TSBP1: variants seen among roughly 807,000 people sequenced by gnomAD.
TSBP1 encodes testis-expressed basic protein 1.
TSBP1 carries 56 observed loss-of-function variants against 68.8 expected under a neutral mutation model. The ratio of observed to expected loss-of-function variants is 0.81; its 90% CI spans 0.66 to 1.02. The LOEUF is 1.02. TSBP1 is among the 50% of genes least tolerant of loss of function. TSBP1 has a pLI of 0.00. For missense variants in TSBP1, 502 were observed against 641.2 expected, an observed-to-expected ratio of 0.78 and a Z score of 2.34; for synonymous variants, 171 against 208.7, an observed-to-expected ratio of 0.82 and a Z score of 1.56.
At chr6:32,313,435 T>C (rs1766617330) in intron 19 of TSBP1, among the ~76,000 whole-genome samples, 1 of 152,274 alleles carries the variant, frequency 6.6e-6, no homozygotes, top group Non-Finnish European at 1.5e-5. Context: ...TGCATTAATA[T>C]CTTTGAAGAC....
At chr6:32,359,122 T>A in intron 6 of TSBP1, among the ~76,000 whole-genome samples, 1 of 138,130 alleles carries the variant, frequency 7.2e-6, no homozygotes, top group African/African-American at 2.7e-5. Flanking sequence ...CCTGTGTCCA[T>A]GTGTTCTCAT....
At position 32,306,349 on chromosome 6, in the gene TSBP1, T is replaced by C. The variant is rs1160785751; in HGVS notation, c.581-3720A>G. Among the ~76,000 whole-genome samples, 2 of 152,224 alleles carry C rather than the reference T, an allele frequency of 1.3e-5. No homozygotes were observed. Among genetic ancestry groups the C allele is most frequent in the African/African-American group, 4.8e-5 (2 of 41,452 alleles). On this transcript the variant is annotated intron_variant, in intron 19 of 22. Coordinates refer to ENST00000612031, the Ensembl canonical transcript of TSBP1. This position sits in a 1 kb window ranked among gnomAD's most constrained non-coding sequence, Gnocchi z 5.1. ...GATCTCTGTGTTCCTCAGTCATCTC[T>C]TGATTCTAACTCCTGCGCATAATTT...
intron 22 of TSBP1, among the ~76,000 whole-genome samples, chr6:32,297,572 A>G (rs1308554619): frequency 6.6e-6 from 1 of 152,234 alleles, no homozygotes; most frequent in African/African-American, 2.4e-5. Flanking sequence ...TAAAAGATCT[A>G]TTCAGTATCA....
At position 32,365,190 on chromosome 6, in the gene TSBP1, G is replaced by C. The variant is rs1773547878; in HGVS notation, c.217+977C>G. On this transcript the variant is annotated intron_variant, in intron 6 of 22. Transcript: ENST00000612031. The surrounding 1 kb of genome is among the most constrained non-coding windows in gnomAD (Gnocchi z 4.3). ...TTCAGGCATGAACTACCACACCCAG[G>C]GTAGATGGGATTTCTAAGATTGTGC... 4.8e-5 allele frequency: 19 copies of C among 396,232 alleles called. No individual in the cohort carries two copies. Among genetic ancestry groups the C allele is most frequent in the South Asian group, 3.6e-4 (19 of 52,182 alleles). 24.5% of individuals were successfully genotyped at this position (396,232 alleles called of 1,614,324 possible).
At chr6:32,313,106 C>T (rs1462151008) in intron 19 of TSBP1, among the ~76,000 whole-genome samples, 1 of 152,174 alleles carries the variant, frequency 6.6e-6, no homozygotes, top group African/African-American at 2.4e-5. Context: ...GCTCTGCCTC[C>T]TTCTTTCTAG....
chr6:32,364,150 C>G (rs9268346), intron 6 of TSBP1, among the ~76,000 whole-genome samples: 51,185 of 152,010 alleles, frequency 0.34, 9,676 homozygotes, highest in Middle Eastern at 0.52. Context: ...AAGATTCTCT[C>G]TTTAACTTTG....
chr6:32,322,597 G>A, intron 18 of TSBP1, 91 bp from the exon 20 acceptor site: 1 of 932,660 alleles, frequency 1.1e-6, no homozygotes, highest in Non-Finnish European at 1.8e-6. Flanking sequence ...GTCTGTGAGG[G>A]GAGGACTTGG....
rs2273019 is a variant in TSBP1 at position 32,338,642 on chromosome 6, C to T, written c.409+337G>A. Among the ~76,000 whole-genome samples, 65,108 of 151,914 alleles carry T rather than the reference C, an allele frequency of 0.43. 14,868 individuals carry two copies. The highest frequency in any genetic ancestry group is 0.55 in the African/African-American group (22,700 of 41,450). Reference sequence around the variant, plus strand: ...CTGCATGTCACTGAAATTTTCTTGGCGGGTCTTAAGTAGAATGGCCACCAT... The same window carrying T: ...CTGCATGTCACTGAAATTTTCTTGGTGGGTCTTAAGTAGAATGGCCACCAT... On this transcript the variant is annotated intron_variant, in intron 11 of 22. Coordinates refer to ENST00000612031, the Ensembl canonical transcript of TSBP1. This position sits in a 1 kb window ranked among gnomAD's most constrained non-coding sequence, Gnocchi z 5.5.
chr6:32,312,558 A>G (rs1470276145), intron 19 of TSBP1, among the ~76,000 whole-genome samples: 1 of 152,208 alleles, frequency 6.6e-6, no homozygotes, highest in Non-Finnish European at 1.5e-5. Context: ...TGCTAAGGTC[A>G]GATTATTTAA....
chr6:32,350,121 C>T lies in TSBP1; in HGVS notation c.260-292G>A, dbSNP rs1490641580. 2.0e-5 allele frequency: 11 copies of T among 561,612 alleles called. No individual in the cohort carries two copies. The East Asian group carries it at 4.6e-4, about 23-fold the overall frequency. The allele number at this position is 561,612 out of a possible 1,614,324, so 34.8% of individuals were successfully genotyped here. The stretch of plus-strand genomic sequence containing the variant: ...TGTTCTTTCCTTCTCTACCTTTCCT[C>T]CACCTCTTCCTCTCTCTCCTTAATT... On this transcript the variant is annotated intron_variant, in intron 8 of 22. Transcript: ENST00000612031.
At chr6:32,295,842 C>CT (rs535371646) in intron 22 of TSBP1, among the ~76,000 whole-genome samples, 1,931 of 125,264 alleles carry the variant, frequency 0.015, 25 homozygotes, top group Middle Eastern at 0.049. Flanking sequence ...AGGAAAATTT[C>CT]TTTTTTTTTT....
Position 32,325,427 on chromosome 6 carries a change from A to G in TSBP1, c.515-1813T>C, listed in dbSNP as rs1229639211. The G allele has an allele frequency of 2.2e-6, 2 of 921,878 alleles. No individual in the cohort carries two copies. Among genetic ancestry groups the G allele is most frequent in the Non-Finnish European group, 3.5e-6 (2 of 564,898 alleles). 57.1% of individuals were successfully genotyped at this position (921,878 alleles called of 1,614,324 possible). On this transcript the variant is annotated intron_variant, in intron 16 of 22. Transcript: ENST00000612031. This position sits in a 1 kb window ranked among gnomAD's most constrained non-coding sequence, Gnocchi z 4.4. The stretch of plus-strand genomic sequence containing the variant: ...ATGCCACTGTGGAGGAGGTGGATGC[A>G]GCCGTGAATGCAAGGCCACACAAGG...
Position 32,293,130 on chromosome 6 carries a change from C to A in TSBP1, c.1543G>T (p.Glu515Ter). The A allele has an allele frequency of 6.3e-7, 1 of 1,597,670 alleles. No individual in the cohort carries two copies. The highest frequency in any genetic ancestry group is 2.2e-5 in the East Asian group (1 of 44,766). The change falls in exon 23 of 23, where the codon GAA (glutamate) becomes TAA (stop). Residue 515 changes from glutamate to a stop codon, truncating the protein, a stop_gained. Coordinates refer to ENST00000612031, the Ensembl canonical transcript of TSBP1. LOFTEE classifies it low-confidence loss of function (END_TRUNC). ...CCTTTTGTGTTTTTGTCACCTTTTT[C>A]TTTTTTATTTGGATCTTTCTCTGCA...
intron 18 of TSBP1, chr6:32,320,200 A>G (rs780679565): frequency 3.1e-5 from 14 of 456,600 alleles, no homozygotes; most frequent in South Asian, 2.0e-4. Context: ...CTATTGTCCT[A>G]ACTTCCTGGG....
chr6:32,324,463 G>A (rs1030953686), intron 16 of TSBP1: 9 of 762,180 alleles, frequency 1.2e-5, no homozygotes, highest in Non-Finnish European at 2.0e-5. Context: ...AAATCCTGCA[G>A]GGGATTGTAA....
At chr6:32,301,525 G>A in intron 20 of TSBP1, among the ~76,000 whole-genome samples, 1 of 151,616 alleles carries the variant, frequency 6.6e-6, no homozygotes, top group East Asian at 2.0e-4. Flanking sequence ...GACCAGCCTG[G>A]GCAACATAAT....
intron 16 of TSBP1, among the ~76,000 whole-genome samples, chr6:32,326,648 A>G (rs1394982040): frequency 6.6e-6 from 1 of 152,264 alleles, no homozygotes; most frequent in African/African-American, 2.4e-5. Context: ...GGAAATGGTC[A>G]AACTTACAAG....
chr6:32,330,346 T>G (rs1402844816), intron 16 of TSBP1, among the ~76,000 whole-genome samples: 1 of 152,186 alleles, frequency 6.6e-6, no homozygotes, highest in East Asian at 1.9e-4. Context: ...AGAAAATTCT[T>G]GTATATTGTT....
rs1190546731 is a variant in TSBP1, at chr6:32,338,376, A to G, written c.409+603T>C. Among the ~76,000 whole-genome samples the G allele has an allele frequency of 6.6e-6, 1 of 152,160 alleles. No homozygotes were observed. Among genetic ancestry groups the G allele is most frequent in the East Asian group, 1.9e-4 (1 of 5,204 alleles). Reference sequence around the variant, plus strand: ...CCATAAAGGGCTGGCAAAATCTCAGATCATATAAAAGTCATTGTTTCCATT... The same window carrying G: ...CCATAAAGGGCTGGCAAAATCTCAGGTCATATAAAAGTCATTGTTTCCATT... On this transcript the variant is annotated intron_variant, in intron 11 of 22. Coordinates refer to ENST00000612031, the Ensembl canonical transcript of TSBP1. The surrounding 1 kb of genome is among the most constrained non-coding windows in gnomAD (Gnocchi z 5.5).
Sources: allele counts gnomAD v4.1 joint callset (sites outside exome capture counted in the v4.1 genomes callset), GRCh38; gene constraint gnomAD v4.1.1; non-coding constraint Gnocchi (gnomAD v3.1); transcripts MANE v1.5; gene names NCBI Gene and HGNC (gene_info 2026-07-23, HGNC 2026-07-21).